PCBP3: variants seen among roughly 807,000 people sequenced by gnomAD.
PCBP3 encodes the protein poly(rC)-binding protein 3.
In PCBP3, 25 loss-of-function variants were observed where a neutral mutation model predicts 52.7. The observed-to-expected ratio is 0.47, with a 90% confidence interval of 0.35 to 0.66. The LOEUF is 0.66. PCBP3 is among the 30% of genes least tolerant of loss of function. The pLI is 0.01. For missense variants in PCBP3, 391 were observed against 490.3 expected (o/e 0.80, Z 1.91); for synonymous variants, 162 against 183.0 (o/e 0.89, Z 0.93).
intron 4 of PCBP3, among the ~76,000 whole-genome samples, chr21:45,822,314 T>A (rs753585582): frequency 2.6e-5 from 4 of 152,216 alleles, no homozygotes; most frequent in Non-Finnish European, 4.4e-5. Flanking sequence ...CTCTTTTGCC[T>A]TTTCTGGGGC....
intron 4 of PCBP3, among the ~76,000 whole-genome samples, chr21:45,808,924 C>CAA (rs1234102193): frequency 3.3e-5 from 5 of 152,116 alleles, no homozygotes; most frequent in African/African-American, 7.2e-5. Context: ...TCATTCTCAG[C>CAA]AAACTAACGC....
At chr21:45,647,437 G>A (rs1027612318) in intron 1 of PCBP3, among the ~76,000 whole-genome samples, 1 of 152,192 alleles carries the variant, frequency 6.6e-6, no homozygotes, top group African/African-American at 2.4e-5. Flanking sequence ...GCCATACTCA[G>A]TGCTGCAGTT....
chr21:45,739,023 A>C (rs111909687), intron 3 of PCBP3, among the ~76,000 whole-genome samples: 110 of 9,328 alleles, frequency 0.012, no homozygotes, highest in Admixed American at 0.022. Context: ...GGGTGGCCCC[A>C]CCATCTTCAT....
At chr21:45,649,178 A>G (rs1423918541) in intron 1 of PCBP3, among the ~76,000 whole-genome samples, 1 of 152,232 alleles carries the variant, frequency 6.6e-6, no homozygotes, top group Admixed American at 6.5e-5. Flanking sequence ...ACATGGCAGC[A>G]GACAAGAGAA....
chr21:45,654,505 T>G (rs2079889215), intron 1 of PCBP3, among the ~76,000 whole-genome samples: 1 of 152,094 alleles, frequency 6.6e-6, no homozygotes, highest in Non-Finnish European at 1.5e-5. Flanking sequence ...CACGCCCAGC[T>G]AATTTTTGTA....
intron 5 of PCBP3, among the ~76,000 whole-genome samples, chr21:45,860,936 C>T (rs139791172): frequency 3.2e-4 from 48 of 152,338 alleles, no homozygotes; most frequent in African/African-American, 1.1e-3. Flanking sequence ...TCCGAGGCTG[C>T]TGGCAGTGAC....
At chr21:45,859,560 C>G (rs1353300199) in intron 5 of PCBP3, 2 of 152,272 alleles carry the variant, frequency 1.3e-5, no homozygotes, top group East Asian at 3.8e-4. Flanking sequence ...ACCCTGGCTC[C>G]CTGCCTCTGC....
chr21:45,803,446 A>G (rs2146808199), intron 4 of PCBP3, among the ~76,000 whole-genome samples: 1 of 152,318 alleles, frequency 6.6e-6, no homozygotes, highest in East Asian at 1.9e-4. Context: ...GGGCGAGAGC[A>G]GAGCTTGGGG....
In PCBP3 at chr21:45,805,803, G is replaced by A. The variant is rs761269352; in HGVS notation, c.-125-44158G>A. On this transcript the variant is annotated intron_variant, in intron 4 of 17. Coordinates refer to ENST00000681687, the MANE Select transcript of PCBP3 (RefSeq NM_001384156.1). The surrounding 1 kb of genome is among the most constrained non-coding windows in gnomAD (Gnocchi z 4.6). ...ACTGGAGTGGTCCTGAGGAAAGCGC[G>A]CTCCTGTCTTTCTGTGGCAGCGAAG... Among the ~76,000 whole-genome samples, 11 of 152,060 alleles carry A rather than the reference G, an allele frequency of 7.2e-5. No homozygotes were observed. Among genetic ancestry groups the A allele is most frequent in the East Asian group, 1.9e-4 (1 of 5,164 alleles).
At position 45,923,870 on chromosome 21, in the gene PCBP3, TAAGATCGGGTGTGCACGA is replaced by T. The variant is rs1436338374; in HGVS notation, c.718-6046_718-6029del. 7.3e-5 allele frequency among the ~76,000 whole-genome samples: 8 copies of T among 109,466 alleles called. 1 individual carries two copies. Among genetic ancestry groups the T allele is most frequent in the African/African-American group, 1.1e-4 (3 of 26,322 alleles). 71.8% of individuals were successfully genotyped at this position (109,466 alleles called of 152,430 possible). A position where few individuals can be genotyped will look rare whatever the true frequency, so the allele number is the denominator to read the frequency against. ...GTCGAGTGGGTAGAAACAGCACACGTAAGATCGGGTGTGCACGAGGAGATGCGAACACCGGGAACAGTC... is the reference window on the plus strand; with the variant it reads ...GTCGAGTGGGTAGAAACAGCACACGTGGAGATGCGAACACCGGGAACAGTC... On this transcript the variant is annotated intron_variant, in intron 13 of 17. Transcript: ENST00000681687.
At chr21:45,936,345 T>C (rs2076888237) in intron 16 of PCBP3, among the ~76,000 whole-genome samples, 1 of 152,254 alleles carries the variant, frequency 6.6e-6, no homozygotes, top group Non-Finnish European at 1.5e-5. Flanking sequence ...CATGGCAATG[T>C]GCACTCTAGG....
intron 4 of PCBP3, among the ~76,000 whole-genome samples, chr21:45,814,988 A>AGTG (rs1569259786): frequency 2.2e-5 from 1 of 45,246 alleles, no homozygotes; most frequent in Admixed American, 2.5e-4. Context: ...GTGAGTGGTG[A>AGTG]GTGAGTGGTG....
At chr21:45,909,068 C>T (rs550996819) in intron 9 of PCBP3, among the ~76,000 whole-genome samples, 32 of 152,102 alleles carry the variant, frequency 2.1e-4, no homozygotes, top group Non-Finnish European at 3.8e-4. Context: ...TGTCTGTCCA[C>T]ACCCCCTTCC....
intron 1 of PCBP3, among the ~76,000 whole-genome samples, chr21:45,663,695 C>T (rs12373907): frequency 0.31 from 47,325 of 151,878 alleles, 8,730 homozygotes; most frequent in East Asian, 0.65. Flanking sequence ...TGGTGTGTGG[C>T]TTTATTTCTG....
chr21:45,811,612 A>G (rs141009909), intron 4 of PCBP3, among the ~76,000 whole-genome samples: 351 of 152,316 alleles, frequency 2.3e-3, no homozygotes, highest in African/African-American at 8.1e-3. Flanking sequence ...ATTGTGAAAC[A>G]TTTCCCTTTC....
chr21:45,856,205 G>A (rs1377616470), intron 5 of PCBP3, among the ~76,000 whole-genome samples: 2 of 152,182 alleles, frequency 1.3e-5, no homozygotes, highest in African/African-American at 2.4e-5. Flanking sequence ...GTGAAGGTCT[G>A]AATAGGAAAC....
chr21:45,784,736 T>G (rs979031728), intron 4 of PCBP3, among the ~76,000 whole-genome samples: 4 of 152,254 alleles, frequency 2.6e-5, no homozygotes, highest in African/African-American at 7.2e-5. Flanking sequence ...GTGCCGGGAT[T>G]GCAGACGGAG....
At chr21:45,679,490 C>G (rs143460176) in intron 2 of PCBP3, among the ~76,000 whole-genome samples, 3 of 152,100 alleles carry the variant, frequency 2.0e-5, no homozygotes, top group Non-Finnish European at 4.4e-5. Flanking sequence ...ACACAATAGA[C>G]TACAGTAGGG....
chr21:45,865,382 TG>T (rs1275624070), intron 5 of PCBP3, among the ~76,000 whole-genome samples: 2 of 152,346 alleles, frequency 1.3e-5, no homozygotes, highest in Non-Finnish European at 2.9e-5. Flanking sequence ...GAACAAAGCA[TG>T]CCCTGCGCGG....
Sources: gnomAD v4.1 joint callset for allele counts (sites outside exome capture counted in the v4.1 genomes callset) on GRCh38, gnomAD v4.1.1 for gene constraint, Gnocchi (gnomAD v3.1) non-coding constraint, MANE v1.5 for transcripts, NCBI Gene and HGNC (gene_info 2026-07-23, HGNC 2026-07-21) for gene names.